Variants in XXYLT1 observed in about 807,000 individuals in gnomAD.
XXYLT1 encodes the protein UDP-xylose:alpha-xyloside alpha-1,3-xylosyltransferase.
In XXYLT1, 20 loss-of-function variants were observed where a neutral mutation model predicts 28.9. That is an observed-to-expected ratio of 0.69 (90% CI 0.49 to 1.00). XXYLT1 has a LOEUF of 1.00. Ranked by LOEUF, XXYLT1 falls within the 50% of genes least tolerant of loss-of-function variation. The pLI is 0.00. For missense variants in XXYLT1, 542 were observed against 560.1 expected, an observed-to-expected ratio of 0.97 and a Z score of 0.33; for synonymous variants, 257 against 253.8, an observed-to-expected ratio of 1.01 and a Z score of -0.12.
At chr3:195,162,984 T>C (rs9857412) in intron 2 of XXYLT1, among the ~76,000 whole-genome samples, 1 of 151,280 alleles carries the variant, frequency 6.6e-6, no homozygotes, top group East Asian at 1.9e-4. Context: ...GTGTCTGCTA[T>C]AAGTTTTTGG....
intron 3 of XXYLT1, among the ~76,000 whole-genome samples, chr3:195,114,423 T>G (rs1168182362): frequency 6.6e-6 from 1 of 152,218 alleles, no homozygotes; most frequent in Non-Finnish European, 1.5e-5. Flanking sequence ...TCACTCCATG[T>G]ACTAAATAAG....
chr3:195,091,141 A>T (rs1481623488), intron 3 of XXYLT1, among the ~76,000 whole-genome samples: 5 of 141,590 alleles, frequency 3.5e-5, no homozygotes, highest in Middle Eastern at 3.6e-3. Flanking sequence ...TATTTCAATC[A>T]ATAGAAAAAG....
chr3:195,267,765 GA>G (rs1380726778), intron 1 of XXYLT1, among the ~76,000 whole-genome samples: 17 of 152,166 alleles, frequency 1.1e-4, no homozygotes, highest in Non-Finnish European at 2.4e-4. Context: ...GTTTACCAAG[GA>G]AAGAACACCA....
intron 1 of XXYLT1, among the ~76,000 whole-genome samples, chr3:195,227,613 C>T (rs1724113851): frequency 6.6e-6 from 1 of 152,178 alleles, no homozygotes; most frequent in African/African-American, 2.4e-5. Flanking sequence ...CCTAGGGCTT[C>T]TGTGAGGCAG....
chr3:195,137,013 G>A (rs138081003), intron 3 of XXYLT1, among the ~76,000 whole-genome samples: 117 of 152,280 alleles, frequency 7.7e-4, no homozygotes, highest in Non-Finnish European at 1.5e-3. Flanking sequence ...ACTGCAACTC[G>A]TTCGAGTCCT....
chr3:195,184,568 T>C, intron 2 of XXYLT1: 1 of 975,272 alleles, frequency 1.0e-6, no homozygotes, highest in Non-Finnish European at 1.2e-6. Flanking sequence ...TTTAAGAAAA[T>C]CCTCAAAATG....
chr3:195,133,486 A>G lies in XXYLT1; in HGVS notation c.785+22963T>C, dbSNP rs751937337. 6.6e-6 allele frequency among the ~76,000 whole-genome samples: 1 copy of G among 152,224 alleles called. No individual in the cohort carries two copies. Among genetic ancestry groups the G allele is most frequent in the Non-Finnish European group, 1.5e-5 (1 of 68,038 alleles). On this transcript the variant is annotated intron_variant, in intron 3 of 3. Coordinates refer to ENST00000310380, the MANE Select transcript of XXYLT1 (RefSeq NM_152531.5). The surrounding 1 kb of genome is among the most constrained non-coding windows in gnomAD (Gnocchi z 4.4). ...ACCTTCAGGAGAAATGTGTCCCATA[A>G]GTGACAGCATCTATTGAACTCTAAA...
At chr3:195,114,672 C>T (rs1717951169) in intron 3 of XXYLT1, among the ~76,000 whole-genome samples, 1 of 152,232 alleles carries the variant, frequency 6.6e-6, no homozygotes, top group Non-Finnish European at 1.5e-5. Flanking sequence ...ATCCTAATGA[C>T]CCAAATGAAC....
intron 3 of XXYLT1, among the ~76,000 whole-genome samples, chr3:195,090,935 G>A (rs1179543246): frequency 6.6e-6 from 1 of 151,724 alleles, no homozygotes; most frequent in Non-Finnish European, 1.5e-5. Flanking sequence ...AGAAGAAATG[G>A]ATAAATTCCT....
At chr3:195,247,686 C>G (rs186547573) in intron 1 of XXYLT1, 191 of 614,054 alleles carry the variant, frequency 3.1e-4, no homozygotes, top group African/African-American at 3.1e-3. Context: ...GCAGGCTCAG[C>G]TGCTGTATTA....
At chr3:195,184,938 AT>A in intron 2 of XXYLT1, 1 of 584,296 alleles carries the variant, frequency 1.7e-6, no homozygotes, top group Non-Finnish European at 2.2e-6. Flanking sequence ...AATGTTGGGC[AT>A]TTATACAGCT....
intron 3 of XXYLT1, among the ~76,000 whole-genome samples, chr3:195,093,277 AC>A (rs1716215298): frequency 1.1e-5 from 1 of 91,198 alleles, no homozygotes; most frequent in Non-Finnish European, 2.0e-5. Flanking sequence ...CTTGGAACCA[AC>A]CCAAATGTCC....
intron 2 of XXYLT1, among the ~76,000 whole-genome samples, chr3:195,159,763 T>C (rs1487907171): frequency 6.6e-6 from 1 of 152,170 alleles, no homozygotes; most frequent in African/African-American, 2.4e-5. Flanking sequence ...TGGCGGCCGA[T>C]GCTTCCGTAC....
At chr3:195,106,003 C>T (rs893426005) in intron 3 of XXYLT1, among the ~76,000 whole-genome samples, 3 of 152,154 alleles carry the variant, frequency 2.0e-5, no homozygotes, top group Non-Finnish European at 4.4e-5. Context: ...TTCACCGGCG[C>T]GTAGCATTTA....
At chr3:195,105,110 T>C (rs1717014018) in intron 3 of XXYLT1, among the ~76,000 whole-genome samples, 2 of 152,138 alleles carry the variant, frequency 1.3e-5, no homozygotes, top group Non-Finnish European at 2.9e-5. Context: ...CTCACTAGTG[T>C]TTCACACCTC....
At chr3:195,148,956 A>G (rs1481668548) in intron 3 of XXYLT1, among the ~76,000 whole-genome samples, 1 of 152,248 alleles carries the variant, frequency 6.6e-6, no homozygotes, top group Non-Finnish European at 1.5e-5. Context: ...GGGAGGAGAC[A>G]TAAAACAAAG....
Position 195,180,731 on chromosome 3 carries a change from C to G in XXYLT1, c.653-24150G>C, listed in dbSNP as rs1054704516. Among the ~76,000 whole-genome samples the G allele has an allele frequency of 2.0e-5, 3 of 152,164 alleles. No homozygotes were observed. Among genetic ancestry groups the G allele is most frequent in the African/African-American group, 4.8e-5 (2 of 41,446 alleles). The stretch of plus-strand genomic sequence containing the variant: ...AGACGGGAAAGGCGCCTGCCCACTG[C>G]CCCCACCCCTGCAAGCACACACCTG... On this transcript the variant is annotated intron_variant, in intron 2 of 3. Transcript: ENST00000310380. This position sits in a 1 kb window ranked among gnomAD's most constrained non-coding sequence, Gnocchi z 5.8.
intron 1 of XXYLT1, among the ~76,000 whole-genome samples, chr3:195,231,151 C>A (rs1457090180): frequency 2.6e-5 from 4 of 151,992 alleles, no homozygotes; most frequent in Non-Finnish European, 5.9e-5. Flanking sequence ...GAATTACTTT[C>A]TTGATTTCTT....
intron 2 of XXYLT1, among the ~76,000 whole-genome samples, chr3:195,187,285 G>T (rs551461329): frequency 1.3e-5 from 2 of 149,554 alleles, no homozygotes; most frequent in Non-Finnish European, 3.0e-5. Context: ...TATTTGTCTC[G>T]AACTCCTGAC....
Sources: allele counts gnomAD v4.1 joint callset (sites outside exome capture counted in the v4.1 genomes callset), GRCh38; gene constraint gnomAD v4.1.1; non-coding constraint Gnocchi (gnomAD v3.1); transcripts MANE v1.5; gene names NCBI Gene and HGNC (gene_info 2026-07-23, HGNC 2026-07-21).